Variants in SLC5A10 observed in about 807,000 individuals in gnomAD.
SLC5A10 encodes the protein solute carrier family 5 member 10.
In SLC5A10, 55 loss-of-function variants were observed where a neutral mutation model predicts 68.9. The ratio of observed to expected loss-of-function variants is 0.80; its 90% confidence interval spans 0.64 to 1.00. SLC5A10 has a LOEUF of 1.00. Among genes scored for constraint, SLC5A10 ranks in the 50% least tolerant of loss-of-function variants. The pLI is 0.00. For synonymous variants in SLC5A10, 344 were observed against 344.8 expected (o/e 1.00, Z 0.02); for missense variants, 732 against 819.3 (o/e 0.89, Z 1.30).
At chr17:19,001,769 C>T (rs1210381436) in intron 9 of SLC5A10, among the ~76,000 whole-genome samples, 1 of 152,130 alleles carries the variant, frequency 6.6e-6, no homozygotes, top group East Asian at 1.9e-4. Context: ...AAGTCCTGGC[C>T]CTGGGAGCCC....
In SLC5A10 at chr17:19,019,452, G is replaced by C; in HGVS notation, c.1271G>C (p.Ser424Thr). 1 of 1,611,694 alleles carries C rather than the reference G, an allele frequency of 6.2e-7. No individual in the cohort carries two copies. Among genetic ancestry groups the C allele is most frequent in the Non-Finnish European group, 8.5e-7 (1 of 1,179,906 alleles). Residue 424 changes from serine to threonine, a missense_variant, in exon 12 of 15, where the codon AGT (serine) becomes ACT (threonine). Coordinates refer to ENST00000395645, the MANE Select transcript of SLC5A10 (RefSeq NM_001042450.4). ...RLVIVALIGV[S>T]VAWIPVLQDS... ...GTCATAGTGGCACTCATCGGCGTGAGTGTGGCCTGGATCCCCGTCCTGCAG... is the reference window on the plus strand; with the variant it reads ...GTCATAGTGGCACTCATCGGCGTGACTGTGGCCTGGATCCCCGTCCTGCAG...
rs1174020436 is a variant in SLC5A10 at position 19,019,581 on chromosome 17, C to T, written c.1400C>T (p.Ala467Val). The part of the protein sequence containing the change: ...VFVLGVFWRR[A>V]NEQGAFWGLI... ...GTCCTGGGCGTCTTCTGGCGACGTGCCAACGAGCAGGTGGGCGTCGGCGGT... is the reference window on the plus strand; with the variant it reads ...GTCCTGGGCGTCTTCTGGCGACGTGTCAACGAGCAGGTGGGCGTCGGCGGT... The change falls in exon 12 of 15, where the codon GCC becomes GTC. Residue 467 changes from alanine to valine, a missense_variant. Coordinates refer to ENST00000395645, the MANE Select transcript of SLC5A10 (RefSeq NM_001042450.4). The T allele has an allele frequency of 6.2e-7, 1 of 1,611,390 alleles. No individual in the cohort carries two copies. Among genetic ancestry groups the T allele is most frequent in the Non-Finnish European group, 8.5e-7 (1 of 1,179,842 alleles).
In SLC5A10 at chr17:19,004,010, TCGTCCAGA is replaced by T; in HGVS notation, c.983-9398_983-9391del. On this transcript the variant is annotated intron_variant, in intron 9 of 14. Transcript: ENST00000395645. This position sits in a 1 kb window ranked among gnomAD's most constrained non-coding sequence, Gnocchi z 5.4. ...GCTGGAGCGCCAGTTCACATGGTTG[TCGTCCAGA>T]CACTGCACCTGAGAGAAGGCCATGG... is the stretch of plus-strand genomic sequence containing the variant. 6.2e-7 allele frequency: 1 copy of T among 1,609,704 alleles called. No homozygotes were observed. The highest frequency in any genetic ancestry group is 8.5e-7 in the Non-Finnish European group (1 of 1,178,030).
intron 1 of SLC5A10, among the ~76,000 whole-genome samples, chr17:18,953,099 C>T (rs542800429): frequency 6.6e-6 from 1 of 150,958 alleles, no homozygotes; most frequent in East Asian, 2.0e-4. Context: ...TGAGCCCTGA[C>T]AGTCTCCTGG....
chr17:19,021,334 C>T lies in SLC5A10; in HGVS notation c.*903C>T, dbSNP rs1432714853. 6.5e-6 allele frequency: 1 copy of T among 153,590 alleles called. No homozygotes were observed. Among genetic ancestry groups the T allele is most frequent in the Non-Finnish European group, 1.4e-5 (1 of 69,050 alleles). The allele number at this position is 153,590 out of a possible 1,614,324, so 9.5% of individuals were successfully genotyped here. On this transcript the variant is annotated 3_prime_UTR_variant, in exon 15 of 15. Coordinates refer to ENST00000395645, the MANE Select transcript of SLC5A10 (RefSeq NM_001042450.4). The surrounding 1 kb of genome is among the most constrained non-coding windows in gnomAD (Gnocchi z 4.1). ...TGCCTCCACCTTCCCTACTGCCCGCCCCTTTTTCAGGGTCTTAGGGCCTCT... is the reference window on the plus strand; with the variant it reads ...TGCCTCCACCTTCCCTACTGCCCGCTCCTTTTTCAGGGTCTTAGGGCCTCT...
Position 18,959,250 on chromosome 17 carries a change from G to A in SLC5A10, c.288+11G>A. On this transcript the variant is annotated intron_variant, in intron 3 of 14. Coordinates refer to ENST00000395645, the MANE Select transcript of SLC5A10 (RefSeq NM_001042450.4). ...GGCTTCGAGTGGAATGTGAGTCCTGGAGGACTGGCGGCCTGTGGGAGGGCC... is the reference window on the plus strand; with the variant it reads ...GGCTTCGAGTGGAATGTGAGTCCTGAAGGACTGGCGGCCTGTGGGAGGGCC... 1.9e-6 allele frequency: 3 copies of A among 1,611,944 alleles called. No homozygotes were observed. The highest frequency in any genetic ancestry group is 2.5e-6 in the Non-Finnish European group (3 of 1,179,402).
chr17:18,955,427 C>A (rs2042478748), intron 1 of SLC5A10, among the ~76,000 whole-genome samples: 1 of 152,204 alleles, frequency 6.6e-6, no homozygotes, highest in Admixed American at 6.5e-5. Flanking sequence ...AAGAACTCCA[C>A]ACAGATCAAG....
chr17:19,019,694 C>G lies in SLC5A10; in HGVS notation c.1411-19C>G. 6.2e-7 allele frequency: 1 copy of G among 1,606,048 alleles called. No homozygotes were observed. The highest frequency in any genetic ancestry group is 8.5e-7 in the Non-Finnish European group (1 of 1,178,640). On this transcript the variant is annotated intron_variant, in intron 12 of 14. Transcript: ENST00000395645. ...TCCTCCTCCCGTAGCCCCACATGCC[C>G]TGCCTCCCTCCTCCCCAGGGGGCCT...
intron 1 of SLC5A10, among the ~76,000 whole-genome samples, chr17:18,957,693 T>A (rs2042531181): frequency 6.6e-6 from 1 of 152,176 alleles, no homozygotes; most frequent in Non-Finnish European, 1.5e-5. Flanking sequence ...CTCGTTCTCT[T>A]GACCTCGTGA....
intron 9 of SLC5A10, among the ~76,000 whole-genome samples, chr17:18,988,068 G>C (rs190945017): frequency 6.6e-6 from 1 of 152,366 alleles, no homozygotes; most frequent in East Asian, 1.9e-4. Flanking sequence ...TGAGTATCCT[G>C]CCCCTCAGGG....
intron 9 of SLC5A10, chr17:18,988,264 G>A: frequency 6.2e-7 from 1 of 1,610,092 alleles, no homozygotes; most frequent in Middle Eastern, 1.7e-4. Flanking sequence ...TGCCCCAGGT[G>A]CATGCAGGCC....
In SLC5A10 at chr17:19,003,829, G is replaced by T. The variant is rs1471686197; in HGVS notation, c.983-9581G>T. 2.5e-6 allele frequency: 4 copies of T among 1,612,854 alleles called. No individual in the cohort carries two copies. Among genetic ancestry groups the T allele is most frequent in the Non-Finnish European group, 3.4e-6 (4 of 1,179,924 alleles). On this transcript the variant is annotated intron_variant, in intron 9 of 14. Coordinates refer to ENST00000395645, the MANE Select transcript of SLC5A10 (RefSeq NM_001042450.4). The surrounding 1 kb of genome is among the most constrained non-coding windows in gnomAD (Gnocchi z 4.5). Reference sequence around the variant, plus strand: ...CCTCAGAGCCCGGGTCGTACACCTCGATGGTCTCCAGGATGCGCTTGAGCT... The same window carrying T: ...CCTCAGAGCCCGGGTCGTACACCTCTATGGTCTCCAGGATGCGCTTGAGCT...
Position 19,021,823 on chromosome 17 carries a change from C to A in SLC5A10, c.*1392C>A. 2.3e-6 allele frequency: 2 copies of A among 875,264 alleles called. No individual in the cohort carries two copies. The highest frequency in any genetic ancestry group is 3.1e-6 in the Non-Finnish European group (2 of 643,976). 54.2% of individuals were successfully genotyped at this position (875,264 alleles called of 1,614,324 possible). A position where few individuals can be genotyped will look rare whatever the true frequency, so the allele number is the denominator to read the frequency against. Reference sequence around the variant, plus strand: ...CCAGTTTGTGCAGAGCGGCCGGAGGCAGTTAGGAGCCCACGTTCAGTCCAA... The same window carrying A: ...CCAGTTTGTGCAGAGCGGCCGGAGGAAGTTAGGAGCCCACGTTCAGTCCAA... On this transcript the variant is annotated 3_prime_UTR_variant, in exon 15 of 15. Coordinates refer to ENST00000395645, the MANE Select transcript of SLC5A10 (RefSeq NM_001042450.4). The surrounding 1 kb of genome is among the most constrained non-coding windows in gnomAD (Gnocchi z 4.1).
At chr17:18,993,565 G>A (rs1424518462) in intron 9 of SLC5A10, among the ~76,000 whole-genome samples, 2 of 152,186 alleles carry the variant, frequency 1.3e-5, no homozygotes, top group East Asian at 3.9e-4. Context: ...CTATGCTCCA[G>A]GCAGGTGGAG....
intron 5 of SLC5A10, among the ~76,000 whole-genome samples, chr17:18,961,198 A>C (rs1308455944): frequency 6.6e-6 from 1 of 151,986 alleles, no homozygotes; most frequent in Non-Finnish European, 1.5e-5. Context: ...CAAGCCCCTG[A>C]CTTTACAGAG....
In SLC5A10 at chr17:19,021,203, G is replaced by A. The variant is rs1273161645; in HGVS notation, c.*772G>A. 2 of 152,286 alleles carry A rather than the reference G, an allele frequency of 1.3e-5. No homozygotes were observed. Among genetic ancestry groups the A allele is most frequent in the African/African-American group, 4.8e-5 (2 of 41,450 alleles). The allele number at this position is 152,286 out of a possible 1,614,324, so 9.4% of individuals were successfully genotyped here. A position where few individuals can be genotyped will look rare whatever the true frequency, so the allele number is the denominator to read the frequency against. ...GAGAGCTCTGCTGGGCCCCGGTCTG[G>A]GCAGAACCTGGGCCTAAACAAACAA... On this transcript the variant is annotated 3_prime_UTR_variant, in exon 15 of 15. Coordinates refer to ENST00000395645, the MANE Select transcript of SLC5A10 (RefSeq NM_001042450.4). This position sits in a 1 kb window ranked among gnomAD's most constrained non-coding sequence, Gnocchi z 4.1.
At chr17:19,011,802 T>A (rs1041575684) in intron 9 of SLC5A10, among the ~76,000 whole-genome samples, 1 of 147,354 alleles carries the variant, frequency 6.8e-6, no homozygotes, top group African/African-American at 2.5e-5. Flanking sequence ...ACTGCCAGGG[T>A]AGGGGGGACT....
chr17:18,957,822 A>G (rs1788347987), intron 1 of SLC5A10, among the ~76,000 whole-genome samples: 1 of 152,240 alleles, frequency 6.6e-6, no homozygotes, highest in African/African-American at 2.4e-5. Flanking sequence ...AATGCTGCGC[A>G]ACCATTACCT....
At chr17:18,959,043 A>T (rs1235297702) in intron 2 of SLC5A10, 92 bp from the exon 3 acceptor site, 5 of 1,263,312 alleles carry the variant, frequency 4.0e-6, no homozygotes, top group Non-Finnish European at 5.5e-6. Flanking sequence ...GACCCCGCTT[A>T]GGTTTGTGAG....
Sources: allele counts gnomAD v4.1 joint callset (sites outside exome capture counted in the v4.1 genomes callset), GRCh38; gene constraint gnomAD v4.1.1; non-coding constraint Gnocchi (gnomAD v3.1); transcripts MANE v1.5; gene names NCBI Gene and HGNC (gene_info 2026-07-23, HGNC 2026-07-21).